Variants in SHANK2 observed in about 807,000 individuals in gnomAD.
SHANK2 encodes SH3 and multiple ankyrin repeat domains 2, also known as SH3 and multiple ankyrin repeat domains protein 2.
A neutral mutation model predicts 133.7 loss-of-function variants in SHANK2; 43 were observed. The observed-to-expected ratio is 0.32, with a 90% CI of 0.25 to 0.41. The LOEUF (loss-of-function observed/expected upper bound fraction) is 0.41, where lower values mean the gene tolerates loss of function less well. Among genes scored for constraint, SHANK2 ranks in the 10% least tolerant of loss-of-function variants. The probability of loss-of-function intolerance (pLI) is 1.00; values close to 1 mark genes in which losing one functional copy is unlikely to be tolerated. For synonymous variants in SHANK2, 1,017 were observed against 952.8 expected (o/e 1.07, Z -1.24); for missense variants, 1,994 against 2,235.8 (o/e 0.89, Z 2.18).
At chr11:71,201,628 T>C (rs1555117157) in intron 2 of SHANK2, among the ~76,000 whole-genome samples, 2 of 152,300 alleles carry the variant, frequency 1.3e-5, no homozygotes, top group African/African-American at 2.4e-5. Flanking sequence ...CCAGTGACTA[T>C]TCCCATTTTA....
intron 16 of SHANK2, among the ~76,000 whole-genome samples, chr11:70,660,465 G>A (rs1555012944): frequency 1.3e-5 from 2 of 152,164 alleles, no homozygotes; most frequent in East Asian, 3.9e-4. Context: ...TCTCTACAGG[G>A]AGTCCAGGCC....
Position 70,759,042 on chromosome 11 carries a change from C to T in SHANK2, c.1777+39401G>A, listed in dbSNP as rs371704427. Among the ~76,000 whole-genome samples the T allele has an allele frequency of 4.2e-4, 64 of 151,426 alleles. 2 individuals are homozygous for T. The highest frequency in any genetic ancestry group is 2.5e-3 in the Admixed American group (38 of 15,218). ...GGCGTGGTGGTGTGTGCCTGTAGTC[C>T]CAGCTACTCAGGAGGCCAAGACAGA... On this transcript the variant is annotated intron_variant, in intron 14 of 25. Transcript: ENST00000601538.
chr11:70,526,616 C>A (rs916313109), intron 17 of SHANK2, among the ~76,000 whole-genome samples: 2 of 152,258 alleles, frequency 1.3e-5, no homozygotes, highest in Non-Finnish European at 2.9e-5. Context: ...CAGCCCCACT[C>A]CCCTGAAGTG....
At chr11:70,528,246 G>A (rs1225327206) in intron 17 of SHANK2, among the ~76,000 whole-genome samples, 11 of 152,228 alleles carry the variant, frequency 7.2e-5, no homozygotes, top group Non-Finnish European at 1.5e-4. Flanking sequence ...GTCCATGTGT[G>A]GGACGAACGT....
chr11:70,743,990 G>GC, intron 14 of SHANK2, among the ~76,000 whole-genome samples: 1 of 152,234 alleles, frequency 6.6e-6, no homozygotes, highest in South Asian at 2.1e-4. Context: ...CCGGGCCCAA[G>GC]CCCTCAGCCC....
intron 25 of SHANK2, among the ~76,000 whole-genome samples, chr11:70,475,813 C>G (rs2058655563): frequency 6.6e-6 from 1 of 152,178 alleles, no homozygotes; most frequent in East Asian, 1.9e-4. Context: ...TAGAACCTGC[C>G]CCCACCCTCA....
chr11:70,781,558 T>TTATATATATATATATATATATATATA (rs1273792106), intron 14 of SHANK2, among the ~76,000 whole-genome samples: 660 of 28,778 alleles, frequency 0.023, 136 homozygotes, highest in East Asian at 0.052. Context: ...TACTTACTTA[T>TTATATATATATATATATATATATATA]TATATATATA....
At chr11:71,097,653 C>T (rs897234742) in intron 6 of SHANK2, among the ~76,000 whole-genome samples, 16 of 151,724 alleles carry the variant, frequency 1.1e-4, no homozygotes, top group Non-Finnish European at 2.4e-4. Context: ...GGATGTGCTT[C>T]GAAAGGGTGA....
intron 14 of SHANK2, among the ~76,000 whole-genome samples, chr11:70,784,440 T>A (rs1191031066): frequency 7.7e-6 from 1 of 130,328 alleles, no homozygotes; most frequent in East Asian, 2.6e-4. Flanking sequence ...CACTGCAACC[T>A]CTGCCTCCTG....
rs797034777 is a variant in SHANK2 at position 70,667,259 on chromosome 11, C to T, written c.1854-5581G>A. 5.9e-5 allele frequency among the ~76,000 whole-genome samples: 9 copies of T among 152,320 alleles called. No individual in the cohort carries two copies. The South Asian group carries it at 1.7e-3, about 28-fold the overall frequency. On this transcript the variant is annotated intron_variant, in intron 15 of 25. Coordinates refer to ENST00000601538, the MANE Select transcript of SHANK2 (RefSeq NM_012309.5). ...CCATATTGGCTTCCCGGAGACACAA[C>T]TACCTCCATGTTGATGCCCTCCTGG...
intron 17 of SHANK2, among the ~76,000 whole-genome samples, chr11:70,652,888 G>C (rs1555010491): frequency 1.3e-5 from 2 of 152,134 alleles, no homozygotes; most frequent in African/African-American, 2.4e-5. Flanking sequence ...GCCCAGTTCA[G>C]CACAACCACC....
intron 2 of SHANK2, among the ~76,000 whole-genome samples, chr11:71,202,813 T>C (rs1486526536): frequency 1.1e-4 from 17 of 152,238 alleles, no homozygotes; most frequent in Admixed American, 8.5e-4. Flanking sequence ...CAAAGTCACC[T>C]GCCCTGGTTA....
intron 11 of SHANK2, among the ~76,000 whole-genome samples, chr11:70,846,852 T>C (rs1311720134): frequency 6.6e-6 from 1 of 152,250 alleles, no homozygotes; most frequent in South Asian, 2.1e-4. Flanking sequence ...GCTGTGAGCA[T>C]GAACGAGGTC....
chr11:70,592,936 C>T lies in SHANK2; in HGVS notation c.2061+66892G>A, dbSNP rs548617440. ...GCCCTGCCCCCAGGCCTGTCACCTA[C>T]GTGATGCAACCCCAAGATGTCCAGC... On this transcript the variant is annotated intron_variant, in intron 17 of 25. Transcript: ENST00000601538. Among the ~76,000 whole-genome samples, 7 of 152,326 alleles carry T rather than the reference C, an allele frequency of 4.6e-5. No homozygotes were observed. In the East Asian group the frequency reaches 5.8e-4, roughly 13 times the overall value.
At chr11:70,489,970 A>ACCCCCC in intron 23 of SHANK2, 7 of 194,846 alleles carry the variant, frequency 3.6e-5, no homozygotes, top group South Asian at 1.7e-4. Context: ...GGCTCGCACC[A>ACCCCCC]CCCCGCCCAC....
chr11:70,532,374 G>A (rs2059485066), intron 17 of SHANK2, among the ~76,000 whole-genome samples: 1 of 152,220 alleles, frequency 6.6e-6, no homozygotes, highest in Non-Finnish European at 1.5e-5. Flanking sequence ...GTGCACAGCT[G>A]CTGGCATGCC....
intron 8 of SHANK2, among the ~76,000 whole-genome samples, chr11:71,082,299 T>C (rs1019147438): frequency 2.0e-5 from 3 of 152,222 alleles, no homozygotes; most frequent in Admixed American, 6.5e-5. Flanking sequence ...CCGCGGTCAC[T>C]GCGGTGCCTG....
rs1351624555 is a variant in SHANK2 at position 70,720,373 on chromosome 11, G to T, written c.1778-21610C>A. On this transcript the variant is annotated intron_variant, in intron 14 of 25. Transcript: ENST00000601538. ...CTGGGGTCTGGTGTCCACAGCCCCC[G>T]CCTGTCAATCTGCTCCCTGATGCCA... Among the ~76,000 whole-genome samples, 3 of 152,308 alleles carry T rather than the reference G, an allele frequency of 2.0e-5. No individual in the cohort carries two copies. In the East Asian group the frequency reaches 5.8e-4, roughly 29 times the overall value.
chr11:71,130,844 G>A (rs10897624), intron 3 of SHANK2, among the ~76,000 whole-genome samples: 60,775 of 152,074 alleles, frequency 0.4, 13,535 homozygotes, highest in East Asian at 0.58. Flanking sequence ...CCCCGGGGAC[G>A]ATCAAGATGC....
Sources: gnomAD v4.1 joint callset for allele counts (sites outside exome capture counted in the v4.1 genomes callset) on GRCh38, gnomAD v4.1.1 for gene constraint, MANE v1.5 for transcripts, NCBI Gene and HGNC (gene_info 2026-07-23, HGNC 2026-07-21) for gene names.